The following RHOT1 variants were observed in gnomAD, a reference collection of about 807,000 sequenced individuals.
The protein encoded by RHOT1 is mitochondrial Rho GTPase 1.
RHOT1 carries 27 observed loss-of-function variants against 95.3 expected under a neutral mutation model. The observed-to-expected ratio is 0.28, with a 90% CI of 0.21 to 0.39. The LOEUF (loss-of-function observed/expected upper bound fraction) is 0.39. Among genes scored for constraint, RHOT1 ranks in the 10% least tolerant of loss-of-function variants. The probability of loss-of-function intolerance (pLI) is 1.00; values close to 1 mark genes in which losing one functional copy is unlikely to be tolerated. For synonymous variants in RHOT1, 227 were observed against 263.5 expected (o/e 0.86, Z 1.34); for missense variants, 578 against 786.7 (o/e 0.73, Z 3.17).
At chr17:32,158,777 A>C (rs996752044) in intron 1 of RHOT1, among the ~76,000 whole-genome samples, 1 of 152,132 alleles carries the variant, frequency 6.6e-6, no homozygotes, top group African/African-American at 2.4e-5. Context: ...TATTTTAGCT[A>C]TAAGTTCTTT....
intron 13 of RHOT1, 25 bp downstream of exon 13, chr17:32,199,575 C>G (rs1194109804): frequency 5.8e-6 from 9 of 1,549,652 alleles, no homozygotes; most frequent in Non-Finnish European, 6.9e-6. Flanking sequence ...CACCTCTTTC[C>G]TCTAGAGTTA....
At chr17:32,204,443 G>A (rs1598434924) in intron 16 of RHOT1, among the ~76,000 whole-genome samples, 3 of 151,184 alleles carry the variant, frequency 2.0e-5, no homozygotes, top group South Asian at 2.1e-4. Flanking sequence ...CCAGCTACTC[G>A]GGAGGCTGAG....
At chr17:32,221,032 CTTTTGAA>C (rs1385496423) in intron 19 of RHOT1, 1 of 975,234 alleles carries the variant, frequency 1.0e-6, no homozygotes, top group Non-Finnish European at 1.2e-6. Flanking sequence ...AAGAATTATG[CTTTTGAA>C]TTGTGGAAGA....
chr17:32,172,435 T>C (rs1251783543), intron 2 of RHOT1, among the ~76,000 whole-genome samples: 1 of 152,226 alleles, frequency 6.6e-6, no homozygotes, highest in Non-Finnish European at 1.5e-5. Context: ...GTGTTTTTGG[T>C]TTTTTAAAAT....
At chr17:32,159,105 G>T (rs891423276) in intron 1 of RHOT1, among the ~76,000 whole-genome samples, 6 of 152,186 alleles carry the variant, frequency 3.9e-5, no homozygotes, top group Admixed American at 2.6e-4. Flanking sequence ...TGTCTCAGGA[G>T]CCCATGAGCA....
intron 1 of RHOT1, chr17:32,159,372 T>A (rs953465770): frequency 6.6e-6 from 1 of 152,594 alleles, no homozygotes; most frequent in African/African-American, 2.4e-5. Flanking sequence ...CATGGAGGGG[T>A]GGACAGAGAG....
intron 1 of RHOT1, among the ~76,000 whole-genome samples, chr17:32,152,764 G>A (rs1346225283): frequency 6.6e-6 from 1 of 151,926 alleles, no homozygotes; most frequent in Non-Finnish European, 1.5e-5. Flanking sequence ...TAGCCTTTCA[G>A]TGTTGGGGAT....
At chr17:32,221,913 C>T (rs1048485141) in intron 19 of RHOT1, among the ~76,000 whole-genome samples, 5 of 152,106 alleles carry the variant, frequency 3.3e-5, no homozygotes, top group African/African-American at 1.2e-4. Flanking sequence ...CCAGCCTGGA[C>T]AACATAGTGA....
At chr17:32,178,671 C>T (rs1042313428) in intron 6 of RHOT1, among the ~76,000 whole-genome samples, 1 of 150,676 alleles carries the variant, frequency 6.6e-6, no homozygotes, top group Non-Finnish European at 1.5e-5. Context: ...ATGTGAGGAG[C>T]GCCTCTGCCC....
rs2034532444 is a variant in RHOT1 at position 32,171,047 on chromosome 17, A to G, written c.42A>G (p.Arg14=). The G allele has an allele frequency of 6.2e-7, 1 of 1,602,910 alleles. No homozygotes were observed. The highest frequency in any genetic ancestry group is 8.5e-7 in the Non-Finnish European group (1 of 1,174,078). Residue 14 remains arginine, a synonymous_variant, in exon 2 of 20, where the codon AGA becomes AGG. Coordinates refer to ENST00000545287, the MANE Select transcript of RHOT1 (RefSeq NM_001033566.3). ...TAACGATTTTTCTTTTCACAGCTAGAGTTGGGAAGACATCACTGATTATGT... is the reference window on the plus strand; with the variant it reads ...TAACGATTTTTCTTTTCACAGCTAGGGTTGGGAAGACATCACTGATTATGT... ...DVRILLVGEP[R]VGKTSLIMSL...
At chr17:32,176,336 C>T (rs2034996916) in intron 6 of RHOT1, 123 bp downstream of exon 6, 4 of 741,024 alleles carry the variant, frequency 5.4e-6, no homozygotes, top group Non-Finnish European at 8.8e-6. Context: ...AACGTTTTGC[C>T]ACGTTTGCCT....
chr17:32,196,317 A>C (rs561153643), intron 11 of RHOT1, among the ~76,000 whole-genome samples: 1 of 152,190 alleles, frequency 6.6e-6, no homozygotes, highest in African/African-American at 2.4e-5. Flanking sequence ...CAGCCTGCCA[A>C]GTAGCTGGGA....
intron 8 of RHOT1, among the ~76,000 whole-genome samples, chr17:32,185,026 C>T (rs73286164): frequency 0.011 from 1,676 of 152,214 alleles, 30 homozygotes; most frequent in African/African-American, 0.038. Flanking sequence ...CTCAAGCAAT[C>T]ATCCCACCTA....
At chr17:32,163,674 G>A (rs1200961164) in intron 1 of RHOT1, among the ~76,000 whole-genome samples, 1 of 151,754 alleles carries the variant, frequency 6.6e-6, no homozygotes, top group African/African-American at 2.4e-5. Context: ...AGGTTGCAGT[G>A]AGCTGAGATC....
intron 2 of RHOT1, 33 bp downstream of exon 2, chr17:32,171,134 A>G (rs1267343865): frequency 1.4e-6 from 2 of 1,407,384 alleles, no homozygotes; most frequent in Non-Finnish European, 2.0e-6. Flanking sequence ...TTAAATTTTA[A>G]AAAATTTATC....
chr17:32,174,196 T>G (rs1455833328), intron 3 of RHOT1, among the ~76,000 whole-genome samples: 2 of 152,220 alleles, frequency 1.3e-5, no homozygotes, highest in African/African-American at 4.8e-5. Context: ...AAATGTGCTG[T>G]TAATTGTAAA....
chr17:32,157,016 T>C (rs1469357626), intron 1 of RHOT1, among the ~76,000 whole-genome samples: 1 of 152,276 alleles, frequency 6.6e-6, no homozygotes, highest in African/African-American at 2.4e-5. Flanking sequence ...TAGTAAGTGC[T>C]GGAACTAAGA....
chr17:32,217,404 G>A (rs904042618), intron 19 of RHOT1, among the ~76,000 whole-genome samples: 2 of 151,988 alleles, frequency 1.3e-5, no homozygotes, highest in African/African-American at 2.4e-5. Flanking sequence ...GGCTCAGTTA[G>A]GAGAATTGTC....
chr17:32,206,927 A>T lies in RHOT1; in HGVS notation c.1434A>T (p.Glu478Asp). Residue 478 changes from glutamate (E) to aspartate (D), a missense_variant, in exon 17 of 20, where the codon GAA becomes GAT. Physicochemically the swap from Glu to Asp is conservative, Grantham distance 45 (BLOSUM62 2). Around this residue, in one of 4 missense-constraint regions of RHOT1, gnomAD observed 296 missense variants for 338.5 expected, o/e 0.87. Coordinates refer to ENST00000545287, the MANE Select transcript of RHOT1 (RefSeq NM_001033566.3). ...EKYLLLHDIS[E>D]SEFLTEAEII... ...TTTACAAGTTGCATGATATCTCAGA[A>T]TCGGAATTTCTAACTGAAGCTGAAA... The T allele has an allele frequency of 6.3e-7, 1 of 1,593,266 alleles. No homozygotes were observed. The highest frequency in any genetic ancestry group is 8.6e-7 in the Non-Finnish European group (1 of 1,163,208).
Sources: allele counts gnomAD v4.1 joint callset (sites outside exome capture counted in the v4.1 genomes callset), GRCh38; gene constraint gnomAD v4.1.1; regional missense constraint gnomAD v4.1.1; transcripts MANE v1.5; gene names NCBI Gene and HGNC (gene_info 2026-07-23, HGNC 2026-07-21).